The following DOCK4 variants were observed in gnomAD, a reference collection of about 807,000 sequenced individuals.
DOCK4 encodes the protein dedicator of cytokinesis 4.
DOCK4 carries 97 observed loss-of-function variants against 268.1 expected under a neutral mutation model. The ratio of observed to expected loss-of-function variants is 0.36; its 90% confidence interval spans 0.31 to 0.43. The LOEUF is 0.43. DOCK4 is among the 20% of genes least tolerant of loss of function. The pLI, the probability that DOCK4 is intolerant of heterozygous loss-of-function variation, is 1.00. For missense variants in DOCK4, 2,145 were observed against 2,455.7 expected (o/e 0.87, Z 2.67); for synonymous variants, 954 against 887.2 (o/e 1.08, Z -1.34).
intron 5 of DOCK4, among the ~76,000 whole-genome samples, chr7:111,993,386 C>T (rs942670116): frequency 6.6e-6 from 1 of 152,184 alleles, no homozygotes; most frequent in African/African-American, 2.4e-5. Flanking sequence ...TCACCACCCC[C>T]AGACTTCCAC....
intron 1 of DOCK4, among the ~76,000 whole-genome samples, chr7:112,099,148 C>T (rs953522611): frequency 1.6e-4 from 24 of 151,702 alleles, no homozygotes; most frequent in African/African-American, 4.1e-4. Flanking sequence ...AAAATTTATC[C>T]GGGCTTGGTG....
chr7:112,155,558 T>C (rs374135777), intron 1 of DOCK4, among the ~76,000 whole-genome samples: 1 of 152,200 alleles, frequency 6.6e-6, no homozygotes, highest in African/African-American at 2.4e-5. Context: ...AGAAATGTTT[T>C]TGGGTAATAT....
intron 1 of DOCK4, among the ~76,000 whole-genome samples, chr7:112,156,248 G>A (rs746605385): frequency 2.6e-5 from 4 of 152,136 alleles, no homozygotes; most frequent in Non-Finnish European, 5.9e-5. Context: ...GTAAAAATTA[G>A]TTCTCTCTTC....
chr7:112,005,411 C>T (rs1800775196), intron 1 of DOCK4, among the ~76,000 whole-genome samples: 1 of 152,152 alleles, frequency 6.6e-6, no homozygotes, highest in Non-Finnish European at 1.5e-5. Flanking sequence ...ACAGAACAAA[C>T]TAACTATATG....
At chr7:111,805,275 C>T (rs1255908143) in intron 30 of DOCK4, among the ~76,000 whole-genome samples, 2 of 152,174 alleles carry the variant, frequency 1.3e-5, no homozygotes, top group Non-Finnish European at 2.9e-5. Flanking sequence ...TGCAAAAACT[C>T]CAAGACTGAG....
intron 45 of DOCK4, 27 bp downstream of exon 45, chr7:111,741,986 C>T (rs1317602382): frequency 1.3e-6 from 2 of 1,534,868 alleles, no homozygotes; most frequent in Admixed American, 2.2e-5. Flanking sequence ...TCAGGCTGCC[C>T]CGCCATGGAC....
chr7:111,953,243 G>T (rs776628717), intron 8 of DOCK4, among the ~76,000 whole-genome samples: 1 of 151,874 alleles, frequency 6.6e-6, no homozygotes, highest in Non-Finnish European at 1.5e-5. Context: ...TGTTTGAAGA[G>T]TGTGAGGATA....
chr7:111,832,551 G>A (rs939075020), intron 26 of DOCK4, among the ~76,000 whole-genome samples: 7 of 150,740 alleles, frequency 4.6e-5, no homozygotes, highest in African/African-American at 1.7e-4. Context: ...TTTTTCAGAC[G>A]GAGTCTCACT....
chr7:111,734,931 G>A, intron 51 of DOCK4, 123 bp downstream of exon 51: 1 of 731,234 alleles, frequency 1.4e-6, no homozygotes, highest in Non-Finnish European at 2.3e-6. Context: ...GAATTATGCA[G>A]CTACTAAGGT....
intron 13 of DOCK4, among the ~76,000 whole-genome samples, chr7:111,912,620 G>T (rs1038353216): frequency 6.6e-6 from 1 of 151,752 alleles, no homozygotes; most frequent in Admixed American, 6.6e-5. Context: ...AGGAGGAGAA[G>T]GAAAGAAGAT....
At position 112,169,497 on chromosome 7, in the gene DOCK4, A is replaced by T. The variant is rs527859073; in HGVS notation, c.37+36605T>A. Reference sequence around the variant, plus strand: ...GAGAATTTTGTGACCCAAATATTTGATATTTTAAAGGAAGCATTTTCTATG... The same window carrying T: ...GAGAATTTTGTGACCCAAATATTTGTTATTTTAAAGGAAGCATTTTCTATG... On this transcript the variant is annotated intron_variant, in intron 1 of 52. Transcript: ENST00000428084. Among the ~76,000 whole-genome samples the T allele has an allele frequency of 1.6e-4, 25 of 152,308 alleles. No homozygotes were observed. In the South Asian group the frequency reaches 4.8e-3, roughly 29 times the overall value.
intron 1 of DOCK4, among the ~76,000 whole-genome samples, chr7:112,112,993 T>C (rs1348156784): frequency 6.6e-6 from 1 of 152,218 alleles, no homozygotes; most frequent in African/African-American, 2.4e-5. Flanking sequence ...CACAGATTTT[T>C]TCCCGACTAG....
At chr7:111,833,467 C>T (rs1490323982) in intron 26 of DOCK4, among the ~76,000 whole-genome samples, 1 of 151,832 alleles carries the variant, frequency 6.6e-6, no homozygotes. Context: ...TTGTCTGAGC[C>T]TAGGAGTTTC....
At position 112,087,216 on chromosome 7, in the gene DOCK4, C is replaced by T. The variant is rs1375989375; in HGVS notation, c.38-83085G>A. Reference sequence around the variant, plus strand: ...GATTAATTAATTCAATCAGGACAGACTTATGTATTAACTGTACACTTTCTT... The same window carrying T: ...GATTAATTAATTCAATCAGGACAGATTTATGTATTAACTGTACACTTTCTT... On this transcript the variant is annotated intron_variant, in intron 1 of 52. Transcript: ENST00000428084. Among the ~76,000 whole-genome samples, 10 of 152,100 alleles carry T rather than the reference C, an allele frequency of 6.6e-5. No homozygotes were observed. In the East Asian group the frequency reaches 1.9e-3, roughly 29 times the overall value.
intron 1 of DOCK4, among the ~76,000 whole-genome samples, chr7:112,057,537 C>T (rs1386591049): frequency 6.7e-6 from 1 of 149,380 alleles, no homozygotes; most frequent in African/African-American, 2.5e-5. Context: ...GGTGACAAAA[C>T]AAGACCCTGT....
chr7:111,902,086 A>G (rs1791196093), intron 13 of DOCK4, among the ~76,000 whole-genome samples: 1 of 152,132 alleles, frequency 6.6e-6, no homozygotes, highest in Admixed American at 6.5e-5. Flanking sequence ...CCATTTTTCA[A>G]TATTTCCCTC....
intron 1 of DOCK4, among the ~76,000 whole-genome samples, chr7:112,195,472 G>A (rs972057522): frequency 1.3e-5 from 2 of 152,066 alleles, no homozygotes; most frequent in South Asian, 2.1e-4. Context: ...TGAGACCCTG[G>A]CTAACCCCTG....
chr7:111,739,733 T>G, intron 47 of DOCK4: 1 of 482,290 alleles, frequency 2.1e-6, no homozygotes, highest in Non-Finnish European at 3.8e-6. Context: ...CAGTTAGCAG[T>G]GCATTCCTTC....
rs1802052248 is a variant in DOCK4, at chr7:111,822,339, TATC to T, written c.2930+20_2930+22del. Reference sequence around the variant, plus strand: ...CTTCCTCTATACATTGAGCTGCAATTATCATCAACTTAAATGTCTTACTTGTTA... The same window carrying T: ...CTTCCTCTATACATTGAGCTGCAATTATCAACTTAAATGTCTTACTTGTTA... On this transcript the variant is annotated intron_variant, in intron 27 of 52. Coordinates refer to ENST00000428084, the MANE Select transcript of DOCK4 (RefSeq NM_001363540.2). The T allele has an allele frequency of 1.9e-6, 3 of 1,590,088 alleles. No individual in the cohort carries two copies. The East Asian group carries it at 6.7e-5, about 36-fold the overall frequency.
Sources: allele counts gnomAD v4.1 joint callset (sites outside exome capture counted in the v4.1 genomes callset), GRCh38; gene constraint gnomAD v4.1.1; transcripts MANE v1.5; gene names NCBI Gene and HGNC (gene_info 2026-07-23, HGNC 2026-07-21).